PPP4R2: variants seen among roughly 807,000 people sequenced by gnomAD.
PPP4R2 encodes the protein protein phosphatase 4 regulatory subunit 2, also known as serine/threonine-protein phosphatase 4 regulatory subunit 2.
A neutral mutation model predicts 47.2 loss-of-function variants in PPP4R2; 13 were observed. The ratio of observed to expected loss-of-function variants is 0.28; its 90% CI spans 0.18 to 0.44. PPP4R2 has a LOEUF of 0.44. Among genes scored for constraint, PPP4R2 ranks in the 20% least tolerant of loss-of-function variants. The pLI is 1.00. For synonymous variants in PPP4R2, 151 were observed against 163.3 expected, an observed-to-expected ratio of 0.92 and a Z score of 0.57; for missense variants, 421 against 491.2, an observed-to-expected ratio of 0.86 and a Z score of 1.35.
chr3:73,051,244 T>C (rs1702606273), intron 3 of PPP4R2, among the ~76,000 whole-genome samples: 1 of 152,160 alleles, frequency 6.6e-6, no homozygotes. Flanking sequence ...TTTGTAGAAA[T>C]GTAATTGCTA....
chr3:73,042,808 A>G (rs533972435), intron 2 of PPP4R2, among the ~76,000 whole-genome samples: 1 of 152,284 alleles, frequency 6.6e-6, no homozygotes, highest in Admixed American at 6.5e-5. Context: ...ATTGCATCGT[A>G]TTGATCTAAT....
chr3:73,068,344 T>C lies in PPP4R2; in HGVS notation c.*2622T>C, dbSNP rs953906893. The C allele has an allele frequency of 1.3e-5, 2 of 152,042 alleles. No individual in the cohort carries two copies. Among genetic ancestry groups the C allele is most frequent in the African/African-American group, 4.8e-5 (2 of 41,370 alleles). The allele number at this position is 152,042 out of a possible 1,614,324, so 9.4% of individuals were successfully genotyped here. A position where few individuals can be genotyped will look rare whatever the true frequency, so the allele number is the denominator to read the frequency against. Reference sequence around the variant, plus strand: ...CTATAACCCAACATGTAAAAAAAATTTGAAGATGGTGATGAGGAAAGTGAG... The same window carrying C: ...CTATAACCCAACATGTAAAAAAAATCTGAAGATGGTGATGAGGAAAGTGAG... On this transcript the variant is annotated 3_prime_UTR_variant, in exon 9 of 9. Coordinates refer to ENST00000356692, the MANE Select transcript of PPP4R2 (RefSeq NM_174907.4).
chr3:73,021,983 G>A (rs529748320), intron 2 of PPP4R2, among the ~76,000 whole-genome samples: 26 of 150,068 alleles, frequency 1.7e-4, no homozygotes, highest in African/African-American at 5.9e-4. Context: ...TGTAGCCTCC[G>A]CTTCCCAGGT....
chr3:73,010,204 G>A (rs570253910), intron 2 of PPP4R2, among the ~76,000 whole-genome samples: 108 of 151,926 alleles, frequency 7.1e-4, no homozygotes, highest in African/African-American at 2.5e-3. Flanking sequence ...ACCACTTAAC[G>A]CAAAAAAATA....
intron 3 of PPP4R2, among the ~76,000 whole-genome samples, chr3:73,058,024 G>A (rs190678607): frequency 4.6e-5 from 7 of 152,214 alleles, no homozygotes; most frequent in African/African-American, 1.2e-4. Flanking sequence ...TGCGTTTGTC[G>A]TACCTCGTGC....
intron 2 of PPP4R2, among the ~76,000 whole-genome samples, chr3:73,006,913 A>G (rs905444386): frequency 6.7e-6 from 1 of 148,170 alleles, no homozygotes; most frequent in Non-Finnish European, 1.5e-5. Context: ...TGTTGAGGTC[A>G]TGTGACTATC....
intron 2 of PPP4R2, among the ~76,000 whole-genome samples, chr3:73,018,465 A>ATGTTATGTTATTTATGTTATGTTTAT (rs1295553516): frequency 1.1e-5 from 1 of 88,852 alleles, no homozygotes; most frequent in African/African-American, 3.7e-5. Context: ...ATGTTATGTT[A>ATGTTATGTTATTTATGTTATGTTTAT]GTATCCGAAA....
chr3:73,061,019 G>A lies in PPP4R2; in HGVS notation c.382-4G>A. 6.4e-7 allele frequency: 1 copy of A among 1,551,886 alleles called. No individual in the cohort carries two copies. ...TACTAAATCACTGATTTTTGTTATTGCAGAATGTGATGGTTGTTAGCTGTG... is the reference window on the plus strand; with the variant it reads ...TACTAAATCACTGATTTTTGTTATTACAGAATGTGATGGTTGTTAGCTGTG... On this transcript the variant is annotated splice_polypyrimidine_tract_variant and splice_region_variant and intron_variant, in intron 4 of 8. Coordinates refer to ENST00000356692, the MANE Select transcript of PPP4R2 (RefSeq NM_174907.4).
intron 2 of PPP4R2, among the ~76,000 whole-genome samples, chr3:73,031,359 G>T (rs2107276577): frequency 6.6e-6 from 1 of 152,188 alleles, no homozygotes; most frequent in African/African-American, 2.4e-5. Flanking sequence ...GGCCAACATG[G>T]TGAAACCCTG....
At chr3:73,018,291 A>G (rs1028183178) in intron 2 of PPP4R2, among the ~76,000 whole-genome samples, 5 of 151,990 alleles carry the variant, frequency 3.3e-5, no homozygotes, top group Non-Finnish European at 5.9e-5. Context: ...CTTTTTTTGT[A>G]TTCGTGGGTT....
chr3:73,010,714 G>A (rs949981787), intron 2 of PPP4R2, among the ~76,000 whole-genome samples: 13 of 151,842 alleles, frequency 8.6e-5, no homozygotes, highest in African/African-American at 4.8e-5. Flanking sequence ...GCCCATCACC[G>A]CTAATTTTTG....
intron 2 of PPP4R2, among the ~76,000 whole-genome samples, chr3:73,035,027 A>G (rs908507517): frequency 1.3e-5 from 2 of 152,204 alleles, no homozygotes; most frequent in Admixed American, 6.5e-5. Context: ...AATATTTGCC[A>G]ACTATCTTTC....
At chr3:73,051,682 A>G (rs968115462) in intron 3 of PPP4R2, among the ~76,000 whole-genome samples, 4 of 152,072 alleles carry the variant, frequency 2.6e-5, no homozygotes, top group Admixed American at 6.5e-5. Flanking sequence ...CTGGAGTGCA[A>G]TGGCTCAATC....
intron 2 of PPP4R2, among the ~76,000 whole-genome samples, chr3:73,041,593 T>TTCCCG (rs1702381042): frequency 6.6e-6 from 1 of 152,226 alleles, no homozygotes; most frequent in Non-Finnish European, 1.5e-5. Context: ...TCTTCTCAGA[T>TTCCCG]TCCCGTTTGA....
Position 73,067,967 on chromosome 3 carries a change from T to A in PPP4R2, c.*2245T>A, listed in dbSNP as rs1703035053. The A allele has an allele frequency of 6.6e-6, 1 of 152,212 alleles. No homozygotes were observed. The highest frequency in any genetic ancestry group is 6.5e-5 in the Admixed American group (1 of 15,278). The allele number at this position is 152,212 out of a possible 1,614,324, so 9.4% of individuals were successfully genotyped here. ...TTCATATGTTGATCATAGATCAAAC[T>A]TGTTGCTGTTTATACAGATAATTGT... On this transcript the variant is annotated 3_prime_UTR_variant, in exon 9 of 9. Transcript: ENST00000356692.
intron 2 of PPP4R2, among the ~76,000 whole-genome samples, chr3:73,038,494 C>T (rs1305113128): frequency 6.6e-6 from 1 of 152,052 alleles, no homozygotes; most frequent in Non-Finnish European, 1.5e-5. Context: ...CTCCCAGGTT[C>T]AAGCAATTCT....
intron 5 of PPP4R2, chr3:73,063,142 T>C: frequency 2.0e-6 from 1 of 495,774 alleles, no homozygotes; most frequent in South Asian, 2.6e-5. Flanking sequence ...GGCAAACTAC[T>C]GGGCCAAGAT....
intron 2 of PPP4R2, among the ~76,000 whole-genome samples, chr3:73,023,857 T>C (rs1166092936): frequency 6.6e-6 from 1 of 152,202 alleles, no homozygotes; most frequent in Non-Finnish European, 1.5e-5. Flanking sequence ...TTTTCAGGTA[T>C]AATATACTTG....
chr3:73,027,779 G>T (rs1702095092), intron 2 of PPP4R2: 2 of 151,780 alleles, frequency 1.3e-5, no homozygotes, highest in African/African-American at 4.8e-5. Context: ...ATAAGAAAAA[G>T]GGTAAGGGAA....
Sources: allele counts gnomAD v4.1 joint callset (sites outside exome capture counted in the v4.1 genomes callset), GRCh38; gene constraint gnomAD v4.1.1; transcripts MANE v1.5; gene names NCBI Gene and HGNC (gene_info 2026-07-23, HGNC 2026-07-21).